The following PAPSS2 variants were observed in gnomAD, a reference collection of about 807,000 sequenced individuals.
PAPSS2 encodes bifunctional 3'-phosphoadenosine 5'-phosphosulfate synthase 2.
In PAPSS2, 61 loss-of-function variants were observed where a neutral mutation model predicts 66.5. The observed-to-expected ratio is 0.92, with a 90% CI of 0.75 to 1.14. PAPSS2 has a LOEUF of 1.14. PAPSS2 is among the 50% of genes most tolerant of loss of function. The pLI, the probability that PAPSS2 is intolerant of heterozygous loss-of-function variation, is 0.00. For synonymous variants in PAPSS2, 289 were observed against 287.5 expected, an observed-to-expected ratio of 1.01 and a Z score of -0.05; for missense variants, 708 against 789.6, an observed-to-expected ratio of 0.90 and a Z score of 1.24.
chr10:87,690,877 A>C (rs1434065536), intron 1 of PAPSS2, among the ~76,000 whole-genome samples: 1 of 152,172 alleles, frequency 6.6e-6, no homozygotes, highest in Non-Finnish European at 1.5e-5. Context: ...TAAGTAATTT[A>C]CTTAAGGGCA....
rs60791274 is a variant in PAPSS2 at position 87,725,884 on chromosome 10, TACACAC to T, written c.881-1374_881-1369del. ...CTAATTTAAAAAAAATATGTGTGTATACACACACACACACACACACACACACACACA... is the reference window on the plus strand; with the variant it reads ...CTAATTTAAAAAAAATATGTGTGTATACACACACACACACACACACACACA... On this transcript the variant is annotated intron_variant, in intron 8 of 12. Coordinates refer to ENST00000456849, the MANE Select transcript of PAPSS2 (RefSeq NM_001015880.2). 1.9e-4 allele frequency among the ~76,000 whole-genome samples: 27 copies of T among 140,466 alleles called. 1 individual carries two copies. The highest frequency in any genetic ancestry group is 4.7e-4 in the South Asian group (2 of 4,292). The allele number at this position is 140,466 out of a possible 152,430, so 92.2% of individuals were successfully genotyped here.
rs199886943 is a variant in PAPSS2 at position 87,688,437 on chromosome 10, T to TTTTTATTTTA, written c.28-20755_28-20746dup. Among the ~76,000 whole-genome samples, 263 of 145,942 alleles carry TTTTTATTTTA rather than the reference T, an allele frequency of 1.8e-3. 2 individuals carry two copies. Among genetic ancestry groups the TTTTTATTTTA allele is most frequent in the Admixed American group, 5.3e-3 (77 of 14,466 alleles). ...ACCCTGAAGAACTATGGAAATTTCTTTTTTATTTTATTTATTTATTTATTT... is the reference window on the plus strand; with the variant it reads ...ACCCTGAAGAACTATGGAAATTTCTTTTTTATTTTATTTTATTTTATTTATTTATTTATTT... On this transcript the variant is annotated intron_variant, in intron 1 of 12. Coordinates refer to ENST00000456849, the MANE Select transcript of PAPSS2 (RefSeq NM_001015880.2).
chr10:87,667,942 G>A (rs969263735), intron 1 of PAPSS2, among the ~76,000 whole-genome samples: 22 of 152,102 alleles, frequency 1.4e-4, no homozygotes, highest in African/African-American at 5.3e-4. Flanking sequence ...TATCCACCAA[G>A]CATCTATATC....
intron 9 of PAPSS2, among the ~76,000 whole-genome samples, chr10:87,731,714 G>A (rs900067279): frequency 6.6e-6 from 1 of 152,202 alleles, no homozygotes; most frequent in Non-Finnish European, 1.5e-5. Flanking sequence ...CTTCAGTAGA[G>A]GAAGTAACTG....
At chr10:87,733,311 A>C (rs1853752155) in intron 9 of PAPSS2, among the ~76,000 whole-genome samples, 1 of 152,242 alleles carries the variant, frequency 6.6e-6, no homozygotes, top group Admixed American at 6.5e-5. Context: ...ACCGTGTGAC[A>C]TGCGCTCAAA....
chr10:87,665,533 C>T (rs188757356), intron 1 of PAPSS2, among the ~76,000 whole-genome samples: 1 of 152,232 alleles, frequency 6.6e-6, no homozygotes, highest in Non-Finnish European at 1.5e-5. Context: ...TTTTTAAAGA[C>T]TTAGGTGATG....
intron 8 of PAPSS2, among the ~76,000 whole-genome samples, chr10:87,722,963 A>G (rs1853614343): frequency 6.6e-6 from 1 of 152,228 alleles, no homozygotes; most frequent in African/African-American, 2.4e-5. Flanking sequence ...CTCAAGGCCA[A>G]GATGAAGGTA....
At chr10:87,707,564 CTTTTTTT>C (rs747152482) in intron 1 of PAPSS2, among the ~76,000 whole-genome samples, 16 of 93,970 alleles carry the variant, frequency 1.7e-4, no homozygotes, top group Middle Eastern at 0.018. Flanking sequence ...TCTTTTTTTT[CTTTTTTT>C]TTTTTTTTTT....
intron 9 of PAPSS2, among the ~76,000 whole-genome samples, chr10:87,732,648 A>C (rs940305089): frequency 6.6e-6 from 1 of 152,066 alleles, no homozygotes; most frequent in African/African-American, 2.4e-5. Context: ...AATTTGTGTG[A>C]CTCCGTTTAT....
intron 3 of PAPSS2, 89 bp from the exon 4 acceptor site, chr10:87,713,955 G>C: frequency 7.3e-7 from 1 of 1,367,970 alleles, no homozygotes; most frequent in Admixed American, 1.7e-5. Flanking sequence ...TTATCTCAAG[G>C]CTATTGAAAA....
At chr10:87,744,865 C>T in intron 11 of PAPSS2, 137 bp from the exon 12 acceptor site, 1 of 744,998 alleles carries the variant, frequency 1.3e-6, no homozygotes, top group Admixed American at 2.0e-5. Flanking sequence ...GTCTTAGAAC[C>T]TCAGTGATTT....
At chr10:87,734,961 A>G (rs921953421) in intron 9 of PAPSS2, among the ~76,000 whole-genome samples, 1 of 151,344 alleles carries the variant, frequency 6.6e-6, no homozygotes, top group African/African-American at 2.4e-5. Context: ...CTTTGAGCCT[A>G]TTTATCATAG....
rs1346300859 is a variant in PAPSS2 at position 87,727,427 on chromosome 10, A to G, written c.1024A>G (p.Arg342Gly). The change falls in exon 9 of 13, where the codon AGA (arginine) becomes GGA (glycine). Residue 342 changes from arginine (R) to glycine (G), a missense_variant. Transcript: ENST00000456849. ...ILRDAEFYEH[R>G]KEERCSRVWG... ...ACGAGACGCTGAATTCTATGAACACAGAAAAGAGGAACGCTGTTCCCGTGT... is the reference window on the plus strand; with the variant it reads ...ACGAGACGCTGAATTCTATGAACACGGAAAAGAGGAACGCTGTTCCCGTGT... 4.3e-6 allele frequency: 7 copies of G among 1,614,048 alleles called. No homozygotes were observed. The highest frequency in any genetic ancestry group is 1.7e-6 in the Non-Finnish European group (2 of 1,180,028).
chr10:87,685,448 C>G (rs569801703), intron 1 of PAPSS2, among the ~76,000 whole-genome samples: 3 of 152,130 alleles, frequency 2.0e-5, no homozygotes, highest in African/African-American at 7.2e-5. Context: ...CTGGCACTTA[C>G]GGAGGACAAG....
At chr10:87,706,108 A>ATATATATATATATATGTGTGTGTGTG in intron 1 of PAPSS2, among the ~76,000 whole-genome samples, 37 of 51,974 alleles carry the variant, frequency 7.1e-4, no homozygotes, top group African/African-American at 2.9e-3. Context: ...ATATATATAT[A>ATATATATATATATATGTGTGTGTGTG]TGTGTGTGTG....
intron 1 of PAPSS2, among the ~76,000 whole-genome samples, chr10:87,708,632 G>T (rs11202522): frequency 0.29 from 43,309 of 151,922 alleles, 8,187 homozygotes; most frequent in East Asian, 0.53. Context: ...AATGTTAAAA[G>T]GTCATGCAAC....
At chr10:87,703,101 A>G (rs1379139818) in intron 1 of PAPSS2, among the ~76,000 whole-genome samples, 1 of 152,202 alleles carries the variant, frequency 6.6e-6, no homozygotes, top group Non-Finnish European at 1.5e-5. Context: ...CTAATGGGTC[A>G]AACCCAGGGC....
At position 87,745,066 on chromosome 10, in the gene PAPSS2, C is replaced by G; in HGVS notation, c.1556C>G (p.Pro519Arg). 1.2e-6 allele frequency: 2 copies of G among 1,614,110 alleles called. No homozygotes were observed. The highest frequency in any genetic ancestry group is 8.5e-7 in the Non-Finnish European group (1 of 1,179,982). Residue 519 changes from proline to arginine, a missense_variant, in exon 12 of 13, where the codon CCT becomes CGT. Transcript: ENST00000456849. ...AATTTCTACATTGTGGGGAGGGACC[C>G]TGCAGGAATGCCCCATCCTGAAACC... is the stretch of plus-strand genomic sequence containing the variant. ...GANFYIVGRD[P>R]AGMPHPETKK...
rs146121180 is a variant in PAPSS2, at chr10:87,701,539, T to C, written c.28-7657T>C. ...TGGGCTCAAGCAATCTCCTCCCACCTCAGTTCCCTGCATAGCTGGGACTAT... is the reference window on the plus strand; with the variant it reads ...TGGGCTCAAGCAATCTCCTCCCACCCCAGTTCCCTGCATAGCTGGGACTAT... On this transcript the variant is annotated intron_variant, in intron 1 of 12. Transcript: ENST00000456849. 3.5e-3 allele frequency among the ~76,000 whole-genome samples: 536 copies of C among 151,610 alleles called. 2 individuals are homozygous for C. The highest frequency in any genetic ancestry group is 0.013 in the African/African-American group (525 of 41,286).
Sources: gnomAD v4.1 joint callset for allele counts (sites outside exome capture counted in the v4.1 genomes callset) on GRCh38, gnomAD v4.1.1 for gene constraint, MANE v1.5 for transcripts, NCBI Gene and HGNC (gene_info 2026-07-23, HGNC 2026-07-21) for gene names.